SERPINA12: variants seen among roughly 807,000 people sequenced by gnomAD.
The protein encoded by SERPINA12 is serpin family A member 12, also known as serpin A12.
Under a neutral mutation model 25.9 loss-of-function variants are expected in SERPINA12, and 21 were observed. The observed-to-expected ratio is 0.81, with a 90% CI of 0.58 to 1.17. The LOEUF (loss-of-function observed/expected upper bound fraction) is 1.17. Ranked by LOEUF, SERPINA12 falls within the 50% of genes most tolerant of loss-of-function variation. The pLI, the probability that SERPINA12 is intolerant of heterozygous loss-of-function variation, is 0.00. For synonymous variants in SERPINA12, 220 were observed against 196.0 expected (o/e 1.12, Z -1.02); for missense variants, 562 against 508.3 (o/e 1.11, Z -1.02).
chr14:94,516,713 C>G (rs528596770), intron 1 of SERPINA12, among the ~76,000 whole-genome samples: 1 of 152,328 alleles, frequency 6.6e-6, no homozygotes, highest in Admixed American at 6.5e-5. Flanking sequence ...AAGCTTATAC[C>G]TTACAGTTTC....
At chr14:94,505,372 A>G (rs1158385237) in intron 1 of SERPINA12, among the ~76,000 whole-genome samples, 2 of 152,172 alleles carry the variant, frequency 1.3e-5, no homozygotes, top group Non-Finnish European at 2.9e-5. Flanking sequence ...CAGATCAGAA[A>G]CCACCCCTGA....
At chr14:94,512,318 C>T (rs1901132756), upstream of SERPINA12, among the ~76,000 whole-genome samples, 3 of 152,184 alleles carry the variant, frequency 2.0e-5, no homozygotes, top group Admixed American at 2.0e-4. Context: ...CCCAGGTCAC[C>T]TCACTTCTCT....
chr14:94,507,426 A>T (rs1900969272), intron 1 of SERPINA12, among the ~76,000 whole-genome samples: 1 of 152,238 alleles, frequency 6.6e-6, no homozygotes, highest in Non-Finnish European at 1.5e-5. Flanking sequence ...GGCAAGTCAC[A>T]AGCTGGGAGT....
chr14:94,501,504 C>T (rs762682283), intron 1 of SERPINA12, among the ~76,000 whole-genome samples: 22 of 152,304 alleles, frequency 1.4e-4, no homozygotes, highest in Admixed American at 1.0e-3. Context: ...GTCTGGATAG[C>T]GGTCCTCCCC....
intron 4 of SERPINA12, among the ~76,000 whole-genome samples, chr14:94,487,848 G>A (rs1421520279): frequency 6.6e-6 from 1 of 152,102 alleles, no homozygotes; most frequent in African/African-American, 2.4e-5. Flanking sequence ...TGAGGTGGTG[G>A]TACCCCCACC....
At position 94,498,314 on chromosome 14, in the gene SERPINA12, C is replaced by T. The variant is rs1566810453; in HGVS notation, c.84G>A (p.Arg28=). 6.2e-7 allele frequency: 1 copy of T among 1,614,196 alleles called. No homozygotes were observed. The highest frequency in any genetic ancestry group is 8.5e-7 in the Non-Finnish European group (1 of 1,180,042). The part of the protein sequence containing the change: ...KGLLKPSFSP[R]NYKALSEVQG... Reference sequence around the variant, plus strand: ...GGACCTCGCTCAAAGCTTTATAATTCCTTGGTGAGAAGCTCGGCTTTAGAA... The same window carrying T: ...GGACCTCGCTCAAAGCTTTATAATTTCTTGGTGAGAAGCTCGGCTTTAGAA... The change falls in exon 2 of 5, where the codon AGG becomes AGA. Residue 28 remains arginine, a synonymous_variant. Transcript: ENST00000677451.
In SERPINA12 at chr14:94,501,102, A is replaced by G; in HGVS notation, c.-33-2672T>C. On this transcript the variant is annotated intron_variant, in intron 1 of 4. Transcript: ENST00000677451. ...GAAAACAGATTGTAGAAGAGAAATT[A>G]GTAAAATTCCCAAGAATGCTTCAGA... 5.1e-6 allele frequency: 5 copies of G among 985,304 alleles called. No individual in the cohort carries two copies. The South Asian group carries it at 2.3e-4, about 46-fold the overall frequency. The allele number at this position is 985,304 out of a possible 1,614,324, so 61.0% of individuals were successfully genotyped here. A position where few individuals can be genotyped will look rare whatever the true frequency, so the allele number is the denominator to read the frequency against.
At position 94,498,036 on chromosome 14, in the gene SERPINA12, T is replaced by C. The variant is rs771873210; in HGVS notation, c.362A>G (p.His121Arg). ...DLHEGFHYIIHELTQKTQDLK... is the reference protein window; with the variant it reads ...DLHEGFHYIIRELTQKTQDLK... ...GTCCTGGGTCTTCTGGGTCAGCTCG[T>C]GGATGATGTAATGGAAGCCCTCATG... Residue 121 changes from histidine (H) to arginine (R), a missense_variant, in exon 2 of 5, where the codon CAC becomes CGC. Transcript: ENST00000677451. The C allele has an allele frequency of 1.9e-6, 3 of 1,614,144 alleles. No homozygotes were observed. The highest frequency in any genetic ancestry group is 2.5e-6 in the Non-Finnish European group (3 of 1,180,018).
intron 1 of SERPINA12, among the ~76,000 whole-genome samples, chr14:94,499,632 C>A (rs991606735): frequency 1.3e-5 from 2 of 152,266 alleles, no homozygotes; most frequent in African/African-American, 4.8e-5. Flanking sequence ...AGCCTGTCCA[C>A]AGTAAAGGTT....
chr14:94,506,111 G>T (rs1900923089), intron 1 of SERPINA12, among the ~76,000 whole-genome samples: 1 of 152,220 alleles, frequency 6.6e-6, no homozygotes, highest in Non-Finnish European at 1.5e-5. Context: ...TTCATCAGGG[G>T]CTAGAAGGAT....
chr14:94,487,583 C>A, intron 4 of SERPINA12, 89 bp from the exon 5 acceptor site: 2 of 1,153,922 alleles, frequency 1.7e-6, no homozygotes, highest in Non-Finnish European at 2.4e-6. Flanking sequence ...GAGAGGAAGA[C>A]CACTTGGCCC....
chr14:94,492,050 G>A (rs1900198611), intron 3 of SERPINA12, among the ~76,000 whole-genome samples: 1 of 152,182 alleles, frequency 6.6e-6, no homozygotes, highest in African/African-American at 2.4e-5. Context: ...GGAGATTGAG[G>A]AGGGGAGAGG....
chr14:94,510,449 A>G (rs146398476), upstream of SERPINA12, among the ~76,000 whole-genome samples: 523 of 152,322 alleles, frequency 3.4e-3, 3 homozygotes, highest in African/African-American at 0.012. Flanking sequence ...AAAAATAAAA[A>G]TAAAAAAAAT....
In SERPINA12 at chr14:94,498,246, T is replaced by C; in HGVS notation, c.152A>G (p.Gln51Arg). The C allele has an allele frequency of 6.2e-7, 1 of 1,614,240 alleles. No individual in the cohort carries two copies. The highest frequency in any genetic ancestry group is 8.5e-7 in the Non-Finnish European group (1 of 1,180,038). Residue 51 changes from glutamine (Q) to arginine (R), a missense_variant, in exon 2 of 5, where the codon CAG becomes CGG. Gln to Arg is a conservative substitution (Grantham distance 43). Coordinates refer to ENST00000677451, the MANE Select transcript of SERPINA12 (RefSeq NM_001382267.1). ...QRMAAKELAR[Q>R]NMDLGFKLLK... ...CAGCTTAAAGCCTAAGTCCATGTTC[T>C]GCCTTGCAAGCTCCTTGGCTGCCAT...
chr14:94,509,062 C>A (rs1433354864), intron 1 of SERPINA12, among the ~76,000 whole-genome samples: 1 of 152,132 alleles, frequency 6.6e-6, no homozygotes, highest in East Asian at 1.9e-4. Flanking sequence ...AAAATCAGGT[C>A]TTCTGGTTCT....
chr14:94,510,791 C>T (rs1341791770), upstream of SERPINA12, among the ~76,000 whole-genome samples: 1 of 152,166 alleles, frequency 6.6e-6, no homozygotes, highest in African/African-American at 2.4e-5. Flanking sequence ...ATGTCCTTTA[C>T]AGCAATTTGG....
chr14:94,497,967 A>G lies in SERPINA12; in HGVS notation c.431T>C (p.Leu144Pro). The change falls in exon 2 of 5, where the codon CTG becomes CCG. Residue 144 changes from leucine to proline, a missense_variant. Transcript: ENST00000677451. ...TTCCAAAAACTTACGCTGTGGCTGC[A>G]GCCTCTGGTCAATGAACAGCGTGTT... ...IGNTLFIDQR[L>P]QPQRKFLEDA... 1.2e-6 allele frequency: 2 copies of G among 1,614,226 alleles called. No homozygotes were observed. Among genetic ancestry groups the G allele is most frequent in the Non-Finnish European group, 1.7e-6 (2 of 1,180,038 alleles).
intron 1 of SERPINA12, among the ~76,000 whole-genome samples, chr14:94,508,867 T>C (rs113483938): frequency 1.3e-5 from 2 of 152,306 alleles, no homozygotes; most frequent in South Asian, 4.2e-4. Flanking sequence ...CCTCATCTTA[T>C]TTTCTTCTTT....
intron 3 of SERPINA12, among the ~76,000 whole-genome samples, chr14:94,493,835 A>T (rs1045113633): frequency 6.6e-6 from 1 of 152,216 alleles, no homozygotes; most frequent in Non-Finnish European, 1.5e-5. Flanking sequence ...GTAAAGGTGC[A>T]AAAGGAGATG....
Sources: allele counts gnomAD v4.1 joint callset (sites outside exome capture counted in the v4.1 genomes callset), GRCh38; gene constraint gnomAD v4.1.1; transcripts MANE v1.5; gene names NCBI Gene and HGNC (gene_info 2026-07-23, HGNC 2026-07-21).